The following ANAPC15 variants were observed in gnomAD, a reference collection of about 807,000 sequenced individuals.
The protein encoded by ANAPC15 is anaphase-promoting complex subunit 15.
ANAPC15 carries 13 observed loss-of-function variants against 19.8 expected under a neutral mutation model. That is an observed-to-expected ratio of 0.66 (90% CI 0.43 to 1.04). The LOEUF is 1.04. ANAPC15 is among the 50% of genes least tolerant of loss of function. The pLI is 0.00. For synonymous variants in ANAPC15, 45 were observed against 50.7 expected (o/e 0.89, Z 0.47); for missense variants, 88 against 150.3 (o/e 0.59, Z 2.17).
At chr11:72,107,963 T>G (rs1372207779), downstream of ANAPC15, 9 of 1,551,584 alleles carry the variant, frequency 5.8e-6, no homozygotes, top group Non-Finnish European at 7.8e-6. Context: ...AGGCCCCTGC[T>G]TGTGTGCTGG....
At chr11:72,107,743 G>A, downstream of ANAPC15, 3 of 647,164 alleles carry the variant, frequency 4.6e-6, no homozygotes, top group Non-Finnish European at 8.1e-6. Context: ...CAGGGCTGGT[G>A]TGAAGACTAC....
At chr11:72,112,615 C>A (rs965287736) in intron 1 of ANAPC15, 35 bp downstream of exon 1, 10 of 453,570 alleles carry the variant, frequency 2.2e-5, no homozygotes, top group African/African-American at 1.8e-4. Context: ...AATGAAGGGG[C>A]AAGGAGACGG....
chr11:72,110,474 A>G lies in ANAPC15; in HGVS notation c.180+70T>C, dbSNP rs1946465872. 1.9e-6 allele frequency: 3 copies of G among 1,598,406 alleles called. No individual in the cohort carries two copies. In the Admixed American group the frequency reaches 5.1e-5, roughly 27 times the overall value. On this transcript the variant is annotated intron_variant, in intron 4 of 5. Transcript: ENST00000227618. ...AACTGCTCTGGGTCAGAGACAGGAC[A>G]TTCAGAATTAGAGCAGAGCCTCGGT...
At chr11:72,107,986 A>G (rs1389667170), downstream of ANAPC15, 2 of 1,551,688 alleles carry the variant, frequency 1.3e-6, no homozygotes, top group Non-Finnish European at 1.7e-6. Flanking sequence ...TTGGGAACCT[A>G]CTGTGGATAC....
downstream of ANAPC15, chr11:72,108,608 G>A: frequency 1.4e-6 from 2 of 1,460,058 alleles, no homozygotes; most frequent in South Asian, 2.8e-5. Context: ...CCCACAGGTG[G>A]AGCTCATCGT....
chr11:72,108,228 G>A, downstream of ANAPC15: 1 of 965,896 alleles, frequency 1.0e-6, no homozygotes, highest in South Asian at 2.1e-5. Context: ...TCCACTCTGG[G>A]GACTGTGATG....
At chr11:72,107,821 G>A, downstream of ANAPC15, 1 of 1,300,170 alleles carries the variant, frequency 7.7e-7, no homozygotes, top group Non-Finnish European at 1.1e-6. Context: ...GACCCCGGCT[G>A]GTTGGGAGCT....
intron 5 of ANAPC15, 77 bp from the exon 6 acceptor site, chr11:72,110,005 A>C: frequency 6.2e-7 from 1 of 1,613,728 alleles, no homozygotes; most frequent in Non-Finnish European, 8.5e-7. Context: ...GGCTGGATCC[A>C]GGGTTTCTGT....
downstream of ANAPC15, chr11:72,108,945 T>G: frequency 1.3e-6 from 2 of 1,491,200 alleles, no homozygotes; most frequent in Non-Finnish European, 1.8e-6. Flanking sequence ...CCAGGGGTAC[T>G]TACTGATGCC....
downstream of ANAPC15, chr11:72,109,550 C>T (rs1946137515): frequency 9.0e-6 from 4 of 442,336 alleles, no homozygotes; most frequent in Admixed American, 3.5e-5. Flanking sequence ...TGCTGGACTC[C>T]TCTGGGCCCC....
chr11:72,106,422 G>T, downstream of ANAPC15: 1 of 514,206 alleles, frequency 1.9e-6, no homozygotes, highest in Non-Finnish European at 3.2e-6. Context: ...GAATGTGCTA[G>T]GTGCCAGGGA....
chr11:72,110,807 T>C, intron 3 of ANAPC15: 1 of 600,952 alleles, frequency 1.7e-6, no homozygotes, highest in Non-Finnish European at 2.9e-6. Flanking sequence ...GCCTTCTTTT[T>C]TTTGTATAAT....
At chr11:72,107,997 T>C (rs1945869686), downstream of ANAPC15, 4 of 1,551,616 alleles carry the variant, frequency 2.6e-6, no homozygotes, top group Non-Finnish European at 3.5e-6. Flanking sequence ...CTGTGGATAC[T>C]CTACCCTGCT....
chr11:72,109,216 A>G (rs1946078778), downstream of ANAPC15: 2 of 484,948 alleles, frequency 4.1e-6, no homozygotes, highest in Non-Finnish European at 7.8e-6. Flanking sequence ...AGTGACTCCA[A>G]GGGAATCCCC....
At chr11:72,109,426 G>C (rs1591195600), downstream of ANAPC15, 1 of 452,016 alleles carries the variant, frequency 2.2e-6, no homozygotes, top group East Asian at 6.9e-5. Flanking sequence ...AAATGGCACA[G>C]AACCCTGGAC....
In ANAPC15 at chr11:72,109,781, T is replaced by G; in HGVS notation, c.*100A>C. On this transcript the variant is annotated 3_prime_UTR_variant, in exon 6 of 6. Coordinates refer to ENST00000227618, the MANE Select transcript of ANAPC15 (RefSeq NM_014042.3). ...GGTGCCCAAGGGCACTTTCAGGCAC[T>G]GGGGCCATCAGCTGGTTCTGTGGGC... 2 of 1,482,944 alleles carry G rather than the reference T, an allele frequency of 1.3e-6. No individual in the cohort carries two copies. The highest frequency in any genetic ancestry group is 1.9e-6 in the Non-Finnish European group (2 of 1,063,746). The allele number at this position is 1,482,944 out of a possible 1,614,324, so 91.9% of individuals were successfully genotyped here.
Position 72,110,876 on chromosome 11 carries a change from CAATT to C in ANAPC15, c.120+277_121-274del, listed in dbSNP as rs1946661660. On this transcript the variant is annotated intron_variant, in intron 3 of 5. Transcript: ENST00000227618. ...TAGAAAGCATCATCTGCTAGATCCT[CAATT>C]AATAGTCAAAATTATTTCCTGTGCT... The C allele has an allele frequency of 4.9e-5, 28 of 575,572 alleles. No homozygotes were observed. The South Asian group carries it at 5.5e-4, about 11-fold the overall frequency. The allele number at this position is 575,572 out of a possible 1,614,324, so 35.7% of individuals were successfully genotyped here. A position where few individuals can be genotyped will look rare whatever the true frequency, so the allele number is the denominator to read the frequency against.
downstream of ANAPC15, chr11:72,109,060 C>G (rs928062227): frequency 7.9e-6 from 6 of 759,078 alleles, no homozygotes; most frequent in Non-Finnish European, 1.2e-5. Flanking sequence ...CTTCCCACCT[C>G]TGACCTCTTT....
At chr11:72,108,728 C>T (rs1457254440), downstream of ANAPC15, 46 of 1,550,124 alleles carry the variant, frequency 3.0e-5, no homozygotes, top group Non-Finnish European at 3.9e-5. Flanking sequence ...GGACCTGCAG[C>T]TGCTGGAGGC....
Sources: allele counts gnomAD v4.1 joint callset, GRCh38; gene constraint gnomAD v4.1.1; transcripts MANE v1.5; gene names NCBI Gene and HGNC (gene_info 2026-07-23, HGNC 2026-07-21).